The following VIRMA variants were observed in gnomAD, a reference collection of about 807,000 sequenced individuals.
VIRMA encodes the protein protein virilizer homolog.
In VIRMA, 65 loss-of-function variants were observed where a neutral mutation model predicts 182.4. The observed-to-expected ratio is 0.36, with a 90% confidence interval of 0.29 to 0.44. The LOEUF (loss-of-function observed/expected upper bound fraction) is 0.44. Ranked by LOEUF, VIRMA falls within the 20% of genes least tolerant of loss-of-function variation. The pLI, the probability that VIRMA is intolerant of heterozygous loss-of-function variation, is 1.00. For synonymous variants in VIRMA, 709 were observed against 743.1 expected, an observed-to-expected ratio of 0.95 and a Z score of 0.75; for missense variants, 1,752 against 2,158.1, an observed-to-expected ratio of 0.81 and a Z score of 3.73.
chr8:94,552,994 C>T (rs1816057991), intron 1 of VIRMA, among the ~76,000 whole-genome samples: 1 of 152,150 alleles, frequency 6.6e-6, no homozygotes, highest in Non-Finnish European at 1.5e-5. Context: ...TCGGAAACCA[C>T]GAAGCCAACG....
chr8:94,510,090 T>C (rs1814312847), intron 14 of VIRMA, 150 bp from the exon 15 acceptor site: 1 of 712,058 alleles, frequency 1.4e-6, no homozygotes, highest in Admixed American at 3.5e-5. Context: ...TCTGGAATTT[T>C]ACAATGACTG....
Position 94,546,281 on chromosome 8 carries a change from C to G in VIRMA, c.64-2339G>C, listed in dbSNP as rs187616476. ...CTATATCCAACTGCCCACTCAGCCT[C>G]TCCATTTCAATGTCCCTTGTGCACC... On this transcript the variant is annotated intron_variant, in intron 1 of 23. Coordinates refer to ENST00000297591, the MANE Select transcript of VIRMA (RefSeq NM_015496.5). Among the ~76,000 whole-genome samples the G allele has an allele frequency of 3.3e-5, 5 of 151,182 alleles. No homozygotes were observed. In the East Asian group the frequency reaches 9.7e-4, roughly 29 times the overall value.
At chr8:94,537,892 A>C (rs1290864043) in intron 3 of VIRMA, among the ~76,000 whole-genome samples, 1 of 152,222 alleles carries the variant, frequency 6.6e-6, no homozygotes, top group African/African-American at 2.4e-5. Context: ...TATAAATTGC[A>C]CAGTAGTGTG....
At chr8:94,550,785 C>G (rs2130405810) in intron 1 of VIRMA, among the ~76,000 whole-genome samples, 1 of 152,178 alleles carries the variant, frequency 6.6e-6, no homozygotes, top group Non-Finnish European at 1.5e-5. Flanking sequence ...GTGGCGTGAT[C>G]TTGGCTCACA....
chr8:94,526,358 T>C lies in VIRMA; in HGVS notation c.1886A>G (p.Asn629Ser), dbSNP rs779909268. ...ISEGEIERLI[N>S]LLEEVFHLME... ...TAAATGAAAAACTTCTTCTAGGAGG[T>C]TAATAAGCCTTTCTATTTCCCCTTC... The change falls in exon 8 of 24, where the codon AAC becomes AGC. Residue 629 changes from asparagine to serine, a missense_variant. Asn to Ser is a conservative substitution (Grantham distance 46). Transcript: ENST00000297591. 1 of 1,614,104 alleles carries C rather than the reference T, an allele frequency of 6.2e-7. No homozygotes were observed. Among genetic ancestry groups the C allele is most frequent in the South Asian group, 1.1e-5 (1 of 91,084 alleles).
intron 2 of VIRMA, 34 bp downstream of exon 2, chr8:94,543,793 C>A (rs755264016): frequency 1.7e-6 from 2 of 1,200,490 alleles, no homozygotes; most frequent in South Asian, 2.6e-5. Context: ...CAATCTTTAA[C>A]CAAAAAATAC....
chr8:94,493,920 C>T (rs1279130981), intron 20 of VIRMA, among the ~76,000 whole-genome samples: 1 of 152,172 alleles, frequency 6.6e-6, no homozygotes, highest in African/African-American at 2.4e-5. Flanking sequence ...TATACTCTTA[C>T]CTATTCAGCA....
chr8:94,553,351 G>A (rs2130413868), intron 1 of VIRMA, 34 bp downstream of exon 1: 2 of 1,605,526 alleles, frequency 1.2e-6, no homozygotes, highest in East Asian at 2.2e-5. Flanking sequence ...CCCAAGTCAA[G>A]AAGCAGCGTC....
chr8:94,514,942 T>C lies in VIRMA; in HGVS notation c.2678A>G (p.Lys893Arg). The change falls in exon 11 of 24, where the codon AAG (lysine) becomes AGG (arginine). Residue 893 changes from lysine to arginine, a missense_variant. By Grantham distance (26) the Lys-to-Arg change is conservative. Coordinates refer to ENST00000297591, the MANE Select transcript of VIRMA (RefSeq NM_015496.5). ...AAGGTTTTTCAGAGGTTCAAGCCAC[T>C]TGCCAAGTTCTTAAAAAGAAAAATA... ...ENNAKLQELG[K>R]WLEPLKNLRF... is the part of the protein sequence containing the mutation. 6.5e-7 allele frequency: 1 copy of C among 1,550,092 alleles called. No homozygotes were observed. Among genetic ancestry groups the C allele is most frequent in the Non-Finnish European group, 8.8e-7 (1 of 1,137,492 alleles).
intron 13 of VIRMA, 95 bp downstream of exon 13, chr8:94,511,090 G>T: frequency 6.7e-7 from 1 of 1,493,764 alleles, no homozygotes; most frequent in South Asian, 1.4e-5. Context: ...TGGGAGGAAG[G>T]GAGATGAGGG....
chr8:94,501,572 A>G (rs370958476), intron 16 of VIRMA, among the ~76,000 whole-genome samples: 165 of 152,328 alleles, frequency 1.1e-3, no homozygotes, highest in African/African-American at 3.4e-3. Context: ...GCAAATATAG[A>G]TAATGAGAGC....
At chr8:94,536,181 T>C (rs1462717128) in intron 4 of VIRMA, among the ~76,000 whole-genome samples, 2 of 152,164 alleles carry the variant, frequency 1.3e-5, no homozygotes, top group Non-Finnish European at 2.9e-5. Flanking sequence ...ACAGGGAAAC[T>C]GGGGACCAGA....
chr8:94,494,923 A>C lies in VIRMA; in HGVS notation c.4578T>G (p.Asp1526Glu). The C allele has an allele frequency of 1.9e-6, 3 of 1,611,868 alleles. No homozygotes were observed. The highest frequency in any genetic ancestry group is 2.5e-6 in the Non-Finnish European group (3 of 1,178,098). ...TAYVLADVMDDQLKSMWFTPF... is the reference protein window; with the variant it reads ...TAYVLADVMDEQLKSMWFTPF... ...GAGTGAACCACATAGATTTCAACTG[A>C]TCATCCATGACATCAGCAAGCACAT... is the stretch of plus-strand genomic sequence containing the variant. The change falls in exon 20 of 24, where the codon GAT becomes GAG. Residue 1526 changes from aspartate to glutamate, a missense_variant. Around this residue, in one of 11 missense-constraint regions of VIRMA, gnomAD observed 777 missense variants for 920.6 expected, o/e 0.84. Coordinates refer to ENST00000297591, the MANE Select transcript of VIRMA (RefSeq NM_015496.5).
intron 2 of VIRMA, 30 bp from the exon 3 acceptor site, chr8:94,538,376 C>G: frequency 7.4e-7 from 1 of 1,353,016 alleles, no homozygotes; most frequent in Non-Finnish European, 1.1e-6. Context: ...GAAACATCAG[C>G]CTTTGTAACA....
At chr8:94,489,158 G>A (rs1452926389) in intron 23 of VIRMA, among the ~76,000 whole-genome samples, 2 of 151,988 alleles carry the variant, frequency 1.3e-5, no homozygotes, top group African/African-American at 2.4e-5. Context: ...TAAAAAAAAA[G>A]GTTATGTGCT....
intron 1 of VIRMA, among the ~76,000 whole-genome samples, chr8:94,546,144 G>A (rs772313257): frequency 2.0e-5 from 3 of 150,676 alleles, no homozygotes; most frequent in Non-Finnish European, 4.4e-5. Flanking sequence ...AAGCAGAGAA[G>A]AGTAGCTAAG....
In VIRMA at chr8:94,495,842, A is replaced by G; in HGVS notation, c.4433T>C (p.Val1478Ala). 6.2e-7 allele frequency: 1 copy of G among 1,613,888 alleles called. No homozygotes were observed. ...DNLDSLLDSV[V>A]GLKQMLESSG... is the part of the protein sequence containing the mutation. ...TGACTCCAGCATCTGCTTAAGTCCA[A>G]CTACACTGTCCAACAAAGAATCCAG... is the stretch of plus-strand genomic sequence containing the variant. Residue 1478 changes from valine (V) to alanine (A), a missense_variant, in exon 19 of 24, where the codon GTT becomes GCT. Transcript: ENST00000297591.
chr8:94,546,823 T>C, intron 1 of VIRMA: 1 of 420,022 alleles, frequency 2.4e-6, no homozygotes, highest in Non-Finnish European at 4.7e-6. Context: ...TGAAGTATGG[T>C]CTTTCTAAAC....
At chr8:94,497,441 T>TC (rs1016359070) in intron 17 of VIRMA, 4 of 152,048 alleles carry the variant, frequency 2.6e-5, no homozygotes, top group African/African-American at 9.7e-5. Flanking sequence ...TTTTTTTCTT[T>TC]TTTTTGAGAT....
Sources: allele counts gnomAD v4.1 joint callset (sites outside exome capture counted in the v4.1 genomes callset), GRCh38; gene constraint gnomAD v4.1.1; regional missense constraint gnomAD v4.1.1; transcripts MANE v1.5; gene names NCBI Gene and HGNC (gene_info 2026-07-23, HGNC 2026-07-21).